Variants in NFIB observed in about 807,000 individuals in gnomAD.
The protein encoded by NFIB is nuclear factor I B.
In NFIB, 11 loss-of-function variants were observed where a neutral mutation model predicts 61.5. The observed-to-expected ratio is 0.18, with a 90% CI of 0.11 to 0.30. NFIB has a LOEUF of 0.30. NFIB is among the 10% of genes least tolerant of loss of function. NFIB has a pLI of 1.00. For missense variants in NFIB, 471 were observed against 608.9 expected, an observed-to-expected ratio of 0.77 and a Z score of 2.38; for synonymous variants, 260 against 216.5, an observed-to-expected ratio of 1.20 and a Z score of -1.76.
the NFIB span, among the ~76,000 whole-genome samples, chr9:14,475,733 G>A: frequency 6.6e-6 from 1 of 152,088 alleles, no homozygotes; most frequent in Non-Finnish European, 1.5e-5. Context: ...ACAAAGCAGG[G>A]AGCATCTGAG....
chr9:14,447,929 A>G, the NFIB span, among the ~76,000 whole-genome samples: 1 of 152,162 alleles, frequency 6.6e-6, no homozygotes, highest in African/African-American at 2.4e-5. Context: ...TAAATTATGC[A>G]TAGAAGGAAG....
intron 2 of NFIB, chr9:14,204,245 A>G: frequency 3.3e-6 from 2 of 613,936 alleles, no homozygotes; most frequent in Non-Finnish European, 5.8e-6. Context: ...TCCACTGCCC[A>G]AGATGTGGAA....
intron 3 of NFIB, among the ~76,000 whole-genome samples, chr9:14,172,617 T>C (rs1028949764): frequency 1.3e-5 from 2 of 152,250 alleles, no homozygotes; most frequent in Non-Finnish European, 2.9e-5. Context: ...CAACATTTGC[T>C]TTCTAAAAAT....
At chr9:14,406,630 G>C in the NFIB span, among the ~76,000 whole-genome samples, 1 of 152,146 alleles carries the variant, frequency 6.6e-6, no homozygotes, top group Non-Finnish European at 1.5e-5. Flanking sequence ...TTCTTACTAG[G>C]TGGTATTTCC....
the NFIB span, among the ~76,000 whole-genome samples, chr9:14,492,374 A>ATAAATAAATAAG: frequency 6.6e-6 from 1 of 151,334 alleles, no homozygotes; most frequent in African/African-American, 2.4e-5. Flanking sequence ...AAATAAATAA[A>ATAAATAAATAAG]TAAATAAATA....
chr9:14,196,024 C>T (rs2048431213), intron 2 of NFIB, among the ~76,000 whole-genome samples: 1 of 151,996 alleles, frequency 6.6e-6, no homozygotes, highest in African/African-American at 2.4e-5. Context: ...TAGGGAACAG[C>T]ATGTGTCTCC....
At chr9:14,343,698 A>C (rs1208248013) in intron 1 of NFIB, among the ~76,000 whole-genome samples, 4 of 152,062 alleles carry the variant, frequency 2.6e-5, no homozygotes, top group African/African-American at 7.2e-5. Flanking sequence ...AAGGAAGAAA[A>C]AGGCTGGATT....
intron 2 of NFIB, among the ~76,000 whole-genome samples, chr9:14,182,512 G>C (rs1161970780): frequency 6.6e-6 from 1 of 152,158 alleles, no homozygotes; most frequent in Non-Finnish European, 1.5e-5. Flanking sequence ...GAAGTAACCA[G>C]GGAGTCGTGG....
At chr9:14,115,062 T>C (rs1028061333) in intron 9 of NFIB, among the ~76,000 whole-genome samples, 1 of 152,166 alleles carries the variant, frequency 6.6e-6, no homozygotes, top group African/African-American at 2.4e-5. Flanking sequence ...TACAAGCCTA[T>C]AGGAACTTAT....
chr9:14,458,738 G>C, the NFIB span, among the ~76,000 whole-genome samples: 1 of 152,080 alleles, frequency 6.6e-6, no homozygotes, highest in Admixed American at 6.5e-5. Context: ...CAAACAGAGA[G>C]CCAAATCATG....
At chr9:14,332,804 TG>T (rs1433452377) in intron 1 of NFIB, among the ~76,000 whole-genome samples, 1 of 151,960 alleles carries the variant, frequency 6.6e-6, no homozygotes, top group Non-Finnish European at 1.5e-5. Flanking sequence ...GAGAGACGGA[TG>T]GGGAGTGGGA....
intron 4 of NFIB, among the ~76,000 whole-genome samples, chr9:14,153,358 G>T (rs540119594): frequency 6.6e-6 from 1 of 152,172 alleles, no homozygotes; most frequent in East Asian, 1.9e-4. Flanking sequence ...GCAAGTCTCA[G>T]TCAGATATTC....
rs564575275 is a variant in NFIB, at chr9:14,322,884, C to T, written c.109-15364G>A. On this transcript the variant is annotated intron_variant, in intron 1 of 8. Coordinates refer to the NFIB transcript ENST00000380934. ...ACCGTCTCGGGGGCTGCTGCCCAGG[C>T]TCCGCGCGCCTTTGTGCTTCCCGAC... Among the ~76,000 whole-genome samples, 532 of 151,986 alleles carry T rather than the reference C, an allele frequency of 3.5e-3. 2 individuals are homozygous for T. Among genetic ancestry groups the T allele is most frequent in the African/African-American group, 0.012 (509 of 41,474 alleles).
At chr9:14,469,558 A>G in the NFIB span, among the ~76,000 whole-genome samples, 9 of 152,190 alleles carry the variant, frequency 5.9e-5, no homozygotes, top group African/African-American at 1.9e-4. Flanking sequence ...TTCCCTCTGC[A>G]TGCATGCTCC....
rs1247583359 is a variant in NFIB, at chr9:14,307,288, T to A, written c.263A>T (p.Tyr88Phe). Residue 88 changes from tyrosine to phenylalanine, a missense_variant, in exon 2 of 11, where the codon TAT (tyrosine) becomes TTT (phenylalanine). Tyr to Phe is a conservative substitution (Grantham distance 22, BLOSUM62 3). Transcript: ENST00000380953. The surrounding 1 kb of genome is among the most constrained non-coding windows in gnomAD (Gnocchi z 5.3). ...CACGGTGAGCACAAAGTCCTCTCGA[T>A]ACTCCTGGCGAATATCTTTGCGCAG... Reference protein sequence around the residue: ...AKLRKDIRQEYREDFVLTVTG... With the variant: ...AKLRKDIRQEFREDFVLTVTG... The A allele has an allele frequency of 6.2e-7, 1 of 1,613,976 alleles. No individual in the cohort carries two copies. Among genetic ancestry groups the A allele is most frequent in the Non-Finnish European group, 8.5e-7 (1 of 1,180,024 alleles).
intron 2 of NFIB, among the ~76,000 whole-genome samples, chr9:14,301,000 C>A (rs1232222604): frequency 2.0e-5 from 3 of 152,210 alleles, no homozygotes; most frequent in African/African-American, 7.2e-5. Flanking sequence ...ATGACAGCTT[C>A]TTCCTAAATT....
chr9:14,527,347 T>C, the NFIB span, among the ~76,000 whole-genome samples: 2 of 152,224 alleles, frequency 1.3e-5, no homozygotes, highest in South Asian at 4.1e-4. Flanking sequence ...CATTATTCTT[T>C]ATCTATGTCA....
chr9:14,245,298 C>T (rs980794538), intron 2 of NFIB, among the ~76,000 whole-genome samples: 2 of 152,132 alleles, frequency 1.3e-5, no homozygotes, highest in African/African-American at 4.8e-5. Flanking sequence ...AATAATATGC[C>T]TCCTTCTTTC....
Position 14,085,579 on chromosome 9 carries a change from G to C in NFIB, c.*2730C>G. ...CTGCTCTGGTTCTCAGTTTTAAAAG[G>C]GGAGATAAAATGAAAACAGGATTTA... On this transcript the variant is annotated 3_prime_UTR_variant, in exon 11 of 11. Transcript: ENST00000380953. 4.5e-6 allele frequency: 1 copy of C among 221,268 alleles called. No homozygotes were observed. The allele number at this position is 221,268 out of a possible 1,614,324, so 13.7% of individuals were successfully genotyped here.
Sources: allele counts gnomAD v4.1 joint callset (sites outside exome capture counted in the v4.1 genomes callset), GRCh38; gene constraint gnomAD v4.1.1; non-coding constraint Gnocchi (gnomAD v3.1); transcripts MANE v1.5; gene names NCBI Gene and HGNC (gene_info 2026-07-23, HGNC 2026-07-21).